MAD1L1: variants seen among roughly 807,000 people sequenced by gnomAD.
MAD1L1 encodes the protein mitotic arrest deficient 1 like 1, also known as mitotic spindle assembly checkpoint protein MAD1.
MAD1L1 carries 95 observed loss-of-function variants against 96.9 expected under a neutral mutation model. The ratio of observed to expected loss-of-function variants is 0.98; its 90% CI spans 0.83 to 1.16. MAD1L1 has a LOEUF of 1.16. Ranked by LOEUF, MAD1L1 falls within the 50% of genes most tolerant of loss-of-function variation. MAD1L1 has a pLI of 0.00. For synonymous variants in MAD1L1, 473 were observed against 396.6 expected (o/e 1.19, Z -2.29); for missense variants, 1,007 against 954.4 (o/e 1.06, Z -0.73).
intron 1 of MAD1L1, among the ~76,000 whole-genome samples, chr7:2,232,212 G>T (rs1794228723): frequency 6.6e-6 from 1 of 152,218 alleles, no homozygotes. Flanking sequence ...TTCTGCAGCT[G>T]CACAGTTTCT....
intron 18 of MAD1L1, among the ~76,000 whole-genome samples, chr7:1,832,645 GGGT>G (rs1234339311): frequency 1.7e-5 from 1 of 58,762 alleles, no homozygotes; most frequent in African/African-American, 5.6e-5. Flanking sequence ...GGGGGGGGGG[GGGT>G]GGGGATGGAG....
intron 15 of MAD1L1, among the ~76,000 whole-genome samples, chr7:1,964,773 A>AT (rs1780090730): frequency 6.6e-6 from 1 of 152,240 alleles, no homozygotes; most frequent in Non-Finnish European, 1.5e-5. Context: ...GCTTATAACA[A>AT]ACCCATCACA....
intron 11 of MAD1L1, among the ~76,000 whole-genome samples, chr7:2,092,750 C>T (rs1274417633): frequency 1.3e-5 from 2 of 152,294 alleles, no homozygotes; most frequent in East Asian, 3.9e-4. Flanking sequence ...TTTGTCTTTT[C>T]GTCCTCTTAA....
At chr7:1,873,893 G>A in intron 18 of MAD1L1, among the ~76,000 whole-genome samples, 1 of 152,186 alleles carries the variant, frequency 6.6e-6, no homozygotes, top group East Asian at 1.9e-4. Flanking sequence ...AATGGATGCT[G>A]AGCCCATCAA....
chr7:2,041,587 G>T (rs1783676275), intron 12 of MAD1L1, among the ~76,000 whole-genome samples: 1 of 152,150 alleles, frequency 6.6e-6, no homozygotes, highest in Non-Finnish European at 1.5e-5. Flanking sequence ...GTCCCCTGCT[G>T]TCAGCAGCGA....
chr7:2,103,052 C>T lies in MAD1L1; in HGVS notation c.1074-33714G>A, dbSNP rs1786897740. ...GATGCTGCCAACACCTGGGTCAGCG[C>T]TGGGTCAGGCCTGGCCACGCTGCCT... is the stretch of plus-strand genomic sequence containing the variant. On this transcript the variant is annotated intron_variant, in intron 11 of 18. Transcript: ENST00000265854. This position sits in a 1 kb window ranked among gnomAD's most constrained non-coding sequence, Gnocchi z 4.3. Among the ~76,000 whole-genome samples, 1 of 152,228 alleles carries T rather than the reference C, an allele frequency of 6.6e-6. No individual in the cohort carries two copies. Among genetic ancestry groups the T allele is most frequent in the African/African-American group, 2.4e-5 (1 of 41,456 alleles).
At chr7:1,911,349 G>T (rs184867325) in intron 17 of MAD1L1, among the ~76,000 whole-genome samples, 2 of 152,052 alleles carry the variant, frequency 1.3e-5, no homozygotes, top group African/African-American at 4.8e-5. Context: ...TTCTTTTGAC[G>T]CAGAGCCCAG....
intron 12 of MAD1L1, among the ~76,000 whole-genome samples, chr7:2,053,693 A>G (rs1784279841): frequency 6.6e-6 from 1 of 152,154 alleles, no homozygotes; most frequent in Non-Finnish European, 1.5e-5. Context: ...GTACAGGGCC[A>G]GGGACAGCCC....
intron 12 of MAD1L1, among the ~76,000 whole-genome samples, chr7:2,060,199 A>G (rs562227489): frequency 6.6e-6 from 1 of 150,702 alleles, no homozygotes; most frequent in South Asian, 2.1e-4. Flanking sequence ...CGATGCCAAG[A>G]TACGCAGATG....
At chr7:2,090,950 G>A (rs963345011) in intron 11 of MAD1L1, among the ~76,000 whole-genome samples, 1 of 152,158 alleles carries the variant, frequency 6.6e-6, no homozygotes, top group South Asian at 2.1e-4. Context: ...CAATCCTTCC[G>A]GAGGGAGGAG....
intron 17 of MAD1L1, among the ~76,000 whole-genome samples, chr7:1,916,751 G>T (rs893239995): frequency 2.0e-5 from 3 of 152,170 alleles, no homozygotes; most frequent in African/African-American, 7.2e-5. Flanking sequence ...CTCATGAGTA[G>T]AAATGACAGT....
intron 10 of MAD1L1, chr7:2,201,777 C>T (rs750001571): frequency 6.6e-6 from 1 of 152,392 alleles, no homozygotes; most frequent in Non-Finnish European, 1.5e-5. Flanking sequence ...CCTTCTCTCG[C>T]CTCTCCCTGC....
chr7:2,024,583 CA>C (rs545975587), intron 12 of MAD1L1, among the ~76,000 whole-genome samples: 138 of 152,354 alleles, frequency 9.1e-4, no homozygotes, highest in African/African-American at 3.2e-3. Context: ...GCTGTGGTCA[CA>C]AGGAAGCTGC....
chr7:1,869,291 G>A (rs1269805280), intron 18 of MAD1L1, among the ~76,000 whole-genome samples: 2 of 152,088 alleles, frequency 1.3e-5, no homozygotes, highest in East Asian at 1.9e-4. Context: ...CCCTCCCACA[G>A]CCTCTCCCAG....
chr7:2,104,799 G>C (rs888878153), intron 11 of MAD1L1, among the ~76,000 whole-genome samples: 1 of 152,180 alleles, frequency 6.6e-6, no homozygotes, highest in African/African-American at 2.4e-5. Flanking sequence ...CTGAGCACAG[G>C]TCACATAAAT....
intron 12 of MAD1L1, among the ~76,000 whole-genome samples, chr7:2,034,440 T>C (rs1783373881): frequency 1.3e-5 from 2 of 152,196 alleles, no homozygotes; most frequent in African/African-American, 4.8e-5. Context: ...TGGTCCGAAC[T>C]CCTGAGCTCA....
chr7:1,953,844 C>A (rs984761661), intron 16 of MAD1L1, among the ~76,000 whole-genome samples: 1 of 152,266 alleles, frequency 6.6e-6, no homozygotes, highest in Admixed American at 6.5e-5. Context: ...GGGGGCCCCA[C>A]GGGGCACAGG....
intron 11 of MAD1L1, among the ~76,000 whole-genome samples, chr7:2,141,809 G>A (rs1789047832): frequency 6.6e-6 from 1 of 152,232 alleles, no homozygotes; most frequent in African/African-American, 2.4e-5. Context: ...CAGACAGCCT[G>A]GGGAAGGCCC....
At chr7:2,144,997 G>A (rs1407261329) in intron 11 of MAD1L1, among the ~76,000 whole-genome samples, 3 of 152,128 alleles carry the variant, frequency 2.0e-5, no homozygotes, top group Non-Finnish European at 4.4e-5. Context: ...AGGAGGCAAG[G>A]TTTGGTGGTT....
Sources: allele counts gnomAD v4.1 joint callset (sites outside exome capture counted in the v4.1 genomes callset), GRCh38; gene constraint gnomAD v4.1.1; non-coding constraint Gnocchi (gnomAD v3.1); transcripts MANE v1.5; gene names NCBI Gene and HGNC (gene_info 2026-07-23, HGNC 2026-07-21).